Variants in NFU1 observed in about 807,000 individuals in gnomAD.
NFU1 encodes NFU1 iron-sulfur cluster scaffold homolog, mitochondrial.
In NFU1, 30 loss-of-function variants were observed where a neutral mutation model predicts 32.2. The ratio of observed to expected loss-of-function variants is 0.93; its 90% confidence interval spans 0.70 to 1.26. The LOEUF (loss-of-function observed/expected upper bound fraction) is 1.26. NFU1 is among the 50% of genes most tolerant of loss of function. NFU1 has a pLI of 0.00. For synonymous variants in NFU1, 112 were observed against 104.6 expected (o/e 1.07, Z -0.43); for missense variants, 306 against 306.6 (o/e 1.00, Z 0.02).
intron 5 of NFU1, among the ~76,000 whole-genome samples, chr2:69,414,909 T>C (rs1366071758): frequency 6.6e-6 from 1 of 152,190 alleles, no homozygotes; most frequent in East Asian, 1.9e-4. Flanking sequence ...GCCCATTCTG[T>C]AACTTAATTA....
upstream of NFU1, among the ~76,000 whole-genome samples, chr2:69,437,890 G>C (rs908760343): frequency 2.6e-5 from 4 of 152,186 alleles, no homozygotes; most frequent in African/African-American, 9.7e-5. Flanking sequence ...CCATGGGTCT[G>C]ATGTGGAACT....
At chr2:69,401,806 G>A (rs1376932559) in intron 6 of NFU1, among the ~76,000 whole-genome samples, 1 of 151,942 alleles carries the variant, frequency 6.6e-6, no homozygotes, top group Non-Finnish European at 1.5e-5. Flanking sequence ...TACTGGATTT[G>A]TACAAATATT....
At chr2:69,410,844 T>C (rs904479745) in intron 5 of NFU1, 1 of 152,218 alleles carries the variant, frequency 6.6e-6, no homozygotes, top group Non-Finnish European at 1.5e-5. Context: ...GTAAATTTAA[T>C]GCAACTTCAA....
intron 5 of NFU1, among the ~76,000 whole-genome samples, chr2:69,408,109 T>C (rs1672759299): frequency 6.6e-6 from 1 of 152,102 alleles, no homozygotes; most frequent in Non-Finnish European, 1.5e-5. Context: ...AAACCTAAAT[T>C]CTACTTCCCC....
intron 5 of NFU1, among the ~76,000 whole-genome samples, chr2:69,407,027 G>A (rs980157728): frequency 3.9e-5 from 6 of 152,148 alleles, no homozygotes; most frequent in Middle Eastern, 3.4e-3. Context: ...TTCCCCTTCC[G>A]CCATGATTGT....
intron 6 of NFU1, among the ~76,000 whole-genome samples, chr2:69,401,782 A>T (rs898406813): frequency 5.3e-5 from 8 of 152,230 alleles, no homozygotes; most frequent in Non-Finnish European, 7.3e-5. Context: ...CAGTCTTAAT[A>T]GTTTTAACTA....
upstream of NFU1, among the ~76,000 whole-genome samples, chr2:69,439,098 T>C (rs1673962798): frequency 6.6e-6 from 1 of 152,096 alleles, no homozygotes; most frequent in Non-Finnish European, 1.5e-5. Context: ...CACACTCTTT[T>C]CTTCCCTTCA....
intron 2 of NFU1, among the ~76,000 whole-genome samples, 184 bp from the exon 3 acceptor site, chr2:69,423,901 G>A (rs993418412): frequency 7.2e-5 from 11 of 151,908 alleles, no homozygotes; most frequent in Non-Finnish European, 1.2e-4. Flanking sequence ...AGAGCCGGGC[G>A]CAGTGGCTCA....
intron 6 of NFU1, among the ~76,000 whole-genome samples, chr2:69,403,711 T>A (rs2104743166): frequency 6.6e-6 from 1 of 152,064 alleles, no homozygotes; most frequent in South Asian, 2.1e-4. Context: ...TATCTTCTAT[T>A]CTCTTCTCTC....
In NFU1 at chr2:69,396,200, T is replaced by A. The variant is rs1207243036; in HGVS notation, c.*46A>T. ...ATTAATAATAAAAACTTGATATATA[T>A]TATCAACAAGTCTGACTGTTATGCC... On this transcript the variant is annotated 3_prime_UTR_variant, in exon 8 of 8. Transcript: ENST00000410022. 2 of 1,474,286 alleles carry A rather than the reference T, an allele frequency of 1.4e-6. No homozygotes were observed. The highest frequency in any genetic ancestry group is 1.2e-5 in the South Asian group (1 of 86,190). 91.3% of individuals were successfully genotyped at this position (1,474,286 alleles called of 1,614,324 possible).
intron 3 of NFU1, 34 bp downstream of exon 3, chr2:69,423,548 T>G: frequency 6.3e-7 from 1 of 1,599,784 alleles, no homozygotes; most frequent in Non-Finnish European, 8.5e-7. Context: ...TTATTTATGT[T>G]TCTTGGTAAA....
upstream of NFU1, among the ~76,000 whole-genome samples, chr2:69,439,145 G>A (rs972425775): frequency 6.6e-6 from 1 of 151,916 alleles, no homozygotes; most frequent in Admixed American, 6.6e-5. Flanking sequence ...TGCACTCTTA[G>A]TCTCTAGTTT....
At chr2:69,409,238 G>T (rs542209092) in intron 5 of NFU1, among the ~76,000 whole-genome samples, 1 of 152,152 alleles carries the variant, frequency 6.6e-6, no homozygotes, top group Non-Finnish European at 1.5e-5. Context: ...ACTGTTTCAT[G>T]TAGTACTAAA....
intron 1 of NFU1, among the ~76,000 whole-genome samples, chr2:69,432,709 G>A (rs967208421): frequency 6.6e-6 from 1 of 152,018 alleles, no homozygotes; most frequent in Admixed American, 6.6e-5. Context: ...TTAGGCAATA[G>A]AGTCACATGG....
chr2:69,409,424 A>G (rs188828626), intron 5 of NFU1, among the ~76,000 whole-genome samples: 1 of 152,202 alleles, frequency 6.6e-6, no homozygotes. Flanking sequence ...TGCCTTGTGC[A>G]TATCTCTAAG....
At chr2:69,417,214 T>C (rs867334794) in intron 4 of NFU1, among the ~76,000 whole-genome samples, 52 of 152,144 alleles carry the variant, frequency 3.4e-4, no homozygotes, top group Middle Eastern at 3.4e-3. Context: ...AAATGATGCA[T>C]AAAGAAGTCT....
At position 69,415,271 on chromosome 2, in the gene NFU1, A is replaced by T; in HGVS notation, c.398T>A (p.Leu133Gln). 1 of 1,609,198 alleles carries T rather than the reference A, an allele frequency of 6.2e-7. No individual in the cohort carries two copies. The highest frequency in any genetic ancestry group is 8.5e-7 in the Non-Finnish European group (1 of 1,175,758). ...GATTGTTGCATAAATATCTGGTTTC[A>T]GTAAATTCCAGTCTAATTCTTCATT... ...KENEELDWNL[L>Q]KPDIYATIMD... The change falls in exon 5 of 8, where the codon CTG (leucine) becomes CAG (glutamine). Residue 133 changes from leucine to glutamine, a missense_variant. Leu to Gln is a moderately radical substitution (Grantham distance 113). Transcript: ENST00000410022.
At chr2:69,411,550 A>T (rs1203064016) in intron 5 of NFU1, among the ~76,000 whole-genome samples, 1 of 152,202 alleles carries the variant, frequency 6.6e-6, no homozygotes, top group Non-Finnish European at 1.5e-5. Flanking sequence ...CCTAACAAAG[A>T]ATTAATATTC....
rs1289725161 is a variant in NFU1 at position 69,413,953 on chromosome 2, A to C, written c.484+1232T>G. Among the ~76,000 whole-genome samples the C allele has an allele frequency of 3.3e-5, 5 of 151,810 alleles. No homozygotes were observed. In the East Asian group the frequency reaches 9.7e-4, roughly 29 times the overall value. On this transcript the variant is annotated intron_variant, in intron 5 of 7. Coordinates refer to ENST00000410022, the MANE Select transcript of NFU1 (RefSeq NM_001002755.4). ...TACCAGCTACTTGGAAGGCTGAGGC[A>C]GGAGAATCACTGGAACCCAGGAGGC...
Sources: allele counts gnomAD v4.1 joint callset (sites outside exome capture counted in the v4.1 genomes callset), GRCh38; gene constraint gnomAD v4.1.1; transcripts MANE v1.5; gene names NCBI Gene and HGNC (gene_info 2026-07-23, HGNC 2026-07-21).